CAMK2B: variants seen among roughly 807,000 people sequenced by gnomAD.
The protein encoded by CAMK2B is calcium/calmodulin dependent protein kinase II beta, also known as calcium/calmodulin-dependent protein kinase type II subunit beta.
In CAMK2B, 27 loss-of-function variants were observed where a neutral mutation model predicts 93.7. That is an observed-to-expected ratio of 0.29 (90% CI 0.21 to 0.40). The LOEUF is 0.40. Ranked by LOEUF, CAMK2B falls within the 10% of genes least tolerant of loss-of-function variation. The pLI is 1.00. For missense variants in CAMK2B, 568 were observed against 895.8 expected (o/e 0.63, Z 4.67); for synonymous variants, 374 against 358.8 (o/e 1.04, Z -0.48).
intron 1 of CAMK2B, among the ~76,000 whole-genome samples, chr7:44,318,191 A>G (rs1049468769): frequency 6.6e-6 from 1 of 152,176 alleles, no homozygotes; most frequent in Non-Finnish European, 1.5e-5. Flanking sequence ...CATGTGAACA[A>G]CCTCATTAAG....
chr7:44,217,241 A>C lies in CAMK2B; in HGVS notation c.*2284T>G, dbSNP rs1354278474. ...TACACTTACAAGGCTCAGAAAGAAA[A>C]GACAATGAAACTCAGCAAAAAGAGA... On this transcript the variant is annotated 3_prime_UTR_variant, in exon 24 of 24. Transcript: ENST00000395749. The C allele has an allele frequency of 6.6e-6, 1 of 152,666 alleles. No individual in the cohort carries two copies. The allele number at this position is 152,666 out of a possible 1,614,324, so 9.5% of individuals were successfully genotyped here.
At chr7:44,308,656 G>C (rs184892388) in intron 1 of CAMK2B, among the ~76,000 whole-genome samples, 1 of 152,178 alleles carries the variant, frequency 6.6e-6, no homozygotes, top group South Asian at 2.1e-4. Flanking sequence ...AGGCAGGAGT[G>C]ACATTACAGA....
chr7:44,303,101 A>G (rs1790536765), intron 1 of CAMK2B, among the ~76,000 whole-genome samples: 1 of 152,222 alleles, frequency 6.6e-6, no homozygotes, highest in Non-Finnish European at 1.5e-5. Context: ...GTTTTCTTAC[A>G]TATCAGCAAT....
intron 1 of CAMK2B, 129 bp from the exon 2 acceptor site, chr7:44,284,354 G>T: frequency 2.9e-6 from 2 of 682,128 alleles, no homozygotes; most frequent in South Asian, 1.8e-5. Flanking sequence ...TCGGGCAGAT[G>T]GCTGTGAGTC....
intron 5 of CAMK2B, among the ~76,000 whole-genome samples, chr7:44,253,983 T>C (rs1371505466): frequency 6.6e-6 from 1 of 151,732 alleles, no homozygotes; most frequent in African/African-American, 2.4e-5. Flanking sequence ...AGTAATGCTG[T>C]CAGCTGTCCC....
chr7:44,239,977 GGCA>G, intron 12 of CAMK2B, among the ~76,000 whole-genome samples: 1 of 152,158 alleles, frequency 6.6e-6, no homozygotes, highest in Non-Finnish European at 1.5e-5. Flanking sequence ...ACGCGTTCCC[GGCA>G]TTACAGCATC....
intron 15 of CAMK2B, among the ~76,000 whole-genome samples, chr7:44,233,880 G>A (rs889057266): frequency 2.0e-5 from 3 of 152,170 alleles, no homozygotes; most frequent in Non-Finnish European, 2.9e-5. Context: ...CCTCTCTACT[G>A]CACCACCGTG....
chr7:44,254,716 CCAT>C, intron 4 of CAMK2B, 109 bp from the exon 5 acceptor site: 1 of 722,068 alleles, frequency 1.4e-6, no homozygotes, highest in South Asian at 1.5e-5. Flanking sequence ...ACCATCACTC[CCAT>C]CATCACTAAT....
Position 44,220,249 on chromosome 7 carries a change from G to T in CAMK2B, c.1814C>A (p.Pro605Gln). 1 of 1,613,314 alleles carries T rather than the reference G, an allele frequency of 6.2e-7. No homozygotes were observed. The highest frequency in any genetic ancestry group is 8.5e-7 in the Non-Finnish European group (1 of 1,179,952). The change falls in exon 23 of 24, where the codon CCA becomes CAA. Residue 605 changes from proline (P) to glutamine (Q), a missense_variant. By Grantham distance (76) the Pro-to-Gln change is moderately conservative (BLOSUM62 -1). This residue lies in a region of CAMK2B where 116 missense variants were observed against 188.0 expected (regional missense o/e 0.62). Transcript: ENST00000395749. ...ATCCTCTCCAATGACGTGCACGTGT[G>T]GGTTCAGGATGGTCGTGTGGATCGG... Reference protein sequence around the residue: ...SKPIHTTILNPHVHVIGEDAA... With the variant: ...SKPIHTTILNQHVHVIGEDAA...
intron 1 of CAMK2B, among the ~76,000 whole-genome samples, chr7:44,310,202 C>T (rs184113980): frequency 7.4e-4 from 112 of 152,374 alleles, no homozygotes; most frequent in Middle Eastern, 3.4e-3. Flanking sequence ...TTTCATCCTT[C>T]GAAAGTTTTA....
intron 4 of CAMK2B, among the ~76,000 whole-genome samples, chr7:44,258,489 C>T (rs568582684): frequency 5.3e-5 from 8 of 152,354 alleles, no homozygotes; most frequent in African/African-American, 1.2e-4. Context: ...TGTGCACTCA[C>T]GCCAGCCAGT....
At chr7:44,219,888 T>C (rs2096377272) in intron 23 of CAMK2B, among the ~76,000 whole-genome samples, 172 bp downstream of exon 23, 1 of 152,104 alleles carries the variant, frequency 6.6e-6, no homozygotes, top group Admixed American at 6.5e-5. Context: ...ACACCCAGCC[T>C]GCCGTGGTCC....
chr7:44,229,460 A>C lies in CAMK2B; in HGVS notation c.1267T>G (p.Ser423Ala), dbSNP rs1216676516. The C allele has an allele frequency of 2.0e-5, 29 of 1,481,628 alleles. No individual in the cohort carries two copies. The highest frequency in any genetic ancestry group is 2.6e-5 in the Non-Finnish European group (29 of 1,116,994). 91.8% of individuals were successfully genotyped at this position (1,481,628 alleles called of 1,614,324 possible). The part of the protein sequence containing the change: ...PDILSSVRRG[S>A]GAPEAEGPLP... ...GGCCCCTCGGCTTCTGGGGCTCCCG[A>C]GCCCCTCCTCACTGAGCTCAGGATG... Residue 423 changes from serine (S) to alanine (A), a missense_variant, in exon 18 of 24, where the codon TCG becomes GCG. Physicochemically the swap from Ser to Ala is moderately conservative, Grantham distance 99. This residue lies in a region of CAMK2B where 308 missense variants were observed against 292.1 expected (regional missense o/e 1.05). Transcript: ENST00000395749.
At chr7:44,220,037 G>A (rs1190118137) in intron 23 of CAMK2B, 23 bp downstream of exon 23, 2 of 1,525,598 alleles carry the variant, frequency 1.3e-6, no homozygotes, top group Admixed American at 1.9e-5. Flanking sequence ...TGCCCCAGCT[G>A]TCACTTAGCA....
At chr7:44,290,126 G>A (rs1452059397) in intron 1 of CAMK2B, among the ~76,000 whole-genome samples, 1 of 152,210 alleles carries the variant, frequency 6.6e-6, no homozygotes, top group Non-Finnish European at 1.5e-5. Flanking sequence ...CAACAACAGT[G>A]ACAGCCAAGG....
In CAMK2B at chr7:44,311,186, C is replaced by G. The variant is rs1793449164; in HGVS notation, c.65+14171G>C. ...CAACCCCCTGGTTCAAGCGATTCTCCTGCCTCAACCTCCTGAGTAGCTGGG... is the reference window on the plus strand; with the variant it reads ...CAACCCCCTGGTTCAAGCGATTCTCGTGCCTCAACCTCCTGAGTAGCTGGG... On this transcript the variant is annotated intron_variant, in intron 1 of 23. Transcript: ENST00000395749. This position sits in a 1 kb window ranked among gnomAD's most constrained non-coding sequence, Gnocchi z 4.2. 6.6e-6 allele frequency among the ~76,000 whole-genome samples: 1 copy of G among 152,194 alleles called. No homozygotes were observed. Among genetic ancestry groups the G allele is most frequent in the South Asian group, 2.1e-4 (1 of 4,834 alleles).
chr7:44,275,179 A>G (rs1308373276), intron 2 of CAMK2B, among the ~76,000 whole-genome samples: 7 of 146,642 alleles, frequency 4.8e-5, no homozygotes, highest in Non-Finnish European at 1.1e-4. Context: ...CACCCCCTCC[A>G]AATGCCAACA....
In CAMK2B at chr7:44,278,678, T is replaced by C. The variant is rs929418040; in HGVS notation, c.160+5453A>G. 2.0e-5 allele frequency among the ~76,000 whole-genome samples: 3 copies of C among 152,310 alleles called. No individual in the cohort carries two copies. The East Asian group carries it at 5.8e-4, about 29-fold the overall frequency. On this transcript the variant is annotated intron_variant, in intron 2 of 23. Transcript: ENST00000395749. ...GGCCAGGAGGAAGTGCCAAGCATCC[T>C]TCCTCTACGGTCTCAGCAGACCGTC...
rs1332398708 is a variant in CAMK2B, at chr7:44,286,428, G to A, written c.66-2203C>T. 6.6e-6 allele frequency among the ~76,000 whole-genome samples: 1 copy of A among 152,170 alleles called. No individual in the cohort carries two copies. Among genetic ancestry groups the A allele is most frequent in the Non-Finnish European group, 1.5e-5 (1 of 68,020 alleles). ...ACAGACTGCACATCTATGCCAAGCT[G>A]ATGATGCCCGTATGGCACCGCTGTG... On this transcript the variant is annotated intron_variant, in intron 1 of 23. Transcript: ENST00000395749. The surrounding 1 kb of genome is among the most constrained non-coding windows in gnomAD (Gnocchi z 4.0).
Sources: gnomAD v4.1 joint callset for allele counts (sites outside exome capture counted in the v4.1 genomes callset) on GRCh38, gnomAD v4.1.1 for gene constraint, gnomAD v4.1.1 regional missense constraint, Gnocchi (gnomAD v3.1) non-coding constraint, MANE v1.5 for transcripts, NCBI Gene and HGNC (gene_info 2026-07-23, HGNC 2026-07-21) for gene names.